ARHGAP10: variants seen among roughly 807,000 people sequenced by gnomAD.
ARHGAP10 encodes rho GTPase-activating protein 10.
Under a neutral mutation model 108.6 loss-of-function variants are expected in ARHGAP10, and 87 were observed. That is an observed-to-expected ratio of 0.80 (90% confidence interval 0.67 to 0.96). The LOEUF (loss-of-function observed/expected upper bound fraction) is 0.96. ARHGAP10 is among the 40% of genes least tolerant of loss of function. ARHGAP10 has a pLI of 0.00. For missense variants in ARHGAP10, 939 were observed against 954.5 expected (o/e 0.98, Z 0.21); for synonymous variants, 347 against 341.1 (o/e 1.02, Z -0.19).
chr4:147,774,750 A>G (rs549126489), intron 1 of ARHGAP10, among the ~76,000 whole-genome samples: 1 of 152,308 alleles, frequency 6.6e-6, no homozygotes, highest in Admixed American at 6.5e-5. Context: ...TTAAAGAGGT[A>G]AGCAAGATTA....
intron 19 of ARHGAP10, among the ~76,000 whole-genome samples, chr4:148,027,449 A>G (rs1418872900): frequency 6.6e-6 from 1 of 152,242 alleles, no homozygotes; most frequent in East Asian, 1.9e-4. Flanking sequence ...TTTGTTGAGC[A>G]TGTGTTATTG....
intron 1 of ARHGAP10, among the ~76,000 whole-genome samples, chr4:147,793,502 AAGG>A (rs1393333295): frequency 1.3e-5 from 2 of 152,238 alleles, no homozygotes; most frequent in East Asian, 3.9e-4. Flanking sequence ...GGGGCCTTGA[AAGG>A]AGGAGTTGGA....
chr4:148,003,894 G>GCC (rs1553970218), intron 18 of ARHGAP10, among the ~76,000 whole-genome samples: 2,059 of 120,954 alleles, frequency 0.017, 107 homozygotes, highest in African/African-American at 0.056. Context: ...TTATCTGAGT[G>GCC]TAAGCCTAAA....
intron 13 of ARHGAP10, among the ~76,000 whole-genome samples, chr4:147,933,280 A>G (rs1346237338): frequency 6.6e-6 from 1 of 152,144 alleles, no homozygotes; most frequent in Non-Finnish European, 1.5e-5. Context: ...CCCAGAGACT[A>G]TTCACAGGTG....
intron 16 of ARHGAP10, among the ~76,000 whole-genome samples, chr4:147,963,385 T>C (rs773401490): frequency 6.6e-6 from 1 of 152,200 alleles, no homozygotes; most frequent in Non-Finnish European, 1.5e-5. Context: ...CAGCCCTAAG[T>C]GAAACTACAA....
intron 1 of ARHGAP10, among the ~76,000 whole-genome samples, chr4:147,756,146 G>GA (rs1481553326): frequency 7.1e-6 from 1 of 141,746 alleles, no homozygotes; most frequent in Admixed American, 7.0e-5. Context: ...AAAAAAAAAA[G>GA]AAAAAAAAGA....
chr4:148,041,901 G>T (rs1332211590), intron 19 of ARHGAP10, among the ~76,000 whole-genome samples: 1 of 152,230 alleles, frequency 6.6e-6, no homozygotes, highest in Non-Finnish European at 1.5e-5. Flanking sequence ...TTGGCCGGGA[G>T]ATCCCTCAAC....
At chr4:148,064,356 G>A in intron 21 of ARHGAP10, 60 bp from the exon 22 acceptor site, 2 of 1,514,784 alleles carry the variant, frequency 1.3e-6, no homozygotes, top group South Asian at 1.2e-5. Context: ...GTTGGGGGGT[G>A]AAGTTTCTCT....
intron 19 of ARHGAP10, among the ~76,000 whole-genome samples, chr4:148,037,589 C>T (rs1209631035): frequency 6.6e-6 from 1 of 152,132 alleles, no homozygotes; most frequent in Non-Finnish European, 1.5e-5. Context: ...AATCCCAACC[C>T]TTTGGGAGGC....
At chr4:147,925,439 T>C (rs191814373) in intron 13 of ARHGAP10, among the ~76,000 whole-genome samples, 201 of 152,278 alleles carry the variant, frequency 1.3e-3, no homozygotes, top group Non-Finnish European at 2.0e-3. Flanking sequence ...TTTTGATTTA[T>C]TGTAGTAAAA....
chr4:147,989,081 A>G (rs1020276106), intron 18 of ARHGAP10, among the ~76,000 whole-genome samples: 4 of 152,358 alleles, frequency 2.6e-5, no homozygotes, highest in African/African-American at 9.6e-5. Flanking sequence ...TACAAAAGAG[A>G]GAAATTTTAA....
At chr4:147,801,581 C>A (rs141755204) in intron 1 of ARHGAP10, among the ~76,000 whole-genome samples, 154 of 152,264 alleles carry the variant, frequency 1.0e-3, no homozygotes, top group African/African-American at 3.2e-3. Flanking sequence ...CTGTTTTTTA[C>A]TATAAAACAT....
intron 12 of ARHGAP10, among the ~76,000 whole-genome samples, chr4:147,912,333 A>T (rs1736778004): frequency 6.6e-6 from 1 of 151,518 alleles, no homozygotes; most frequent in Non-Finnish European, 1.5e-5. Flanking sequence ...TGAGGTCAGG[A>T]ATTCAAGACC....
At chr4:147,754,864 C>T (rs748487856) in intron 1 of ARHGAP10, among the ~76,000 whole-genome samples, 6 of 152,064 alleles carry the variant, frequency 3.9e-5, no homozygotes, top group Admixed American at 6.5e-5. Flanking sequence ...GAGGTGGAGG[C>T]GGCTGGATCA....
chr4:147,953,697 G>T lies in ARHGAP10; in HGVS notation c.1392-1619G>T, dbSNP rs985975549. 3.3e-5 allele frequency among the ~76,000 whole-genome samples: 5 copies of T among 152,004 alleles called. No homozygotes were observed. The East Asian group carries it at 7.7e-4, about 23-fold the overall frequency. Reference sequence around the variant, plus strand: ...ATCAATTTTACTGATTATCTTAAAAGATATGGTTTTGGATTAATTTATTTT... The same window carrying T: ...ATCAATTTTACTGATTATCTTAAAATATATGGTTTTGGATTAATTTATTTT... On this transcript the variant is annotated intron_variant, in intron 15 of 22. Coordinates refer to ENST00000336498, the MANE Select transcript of ARHGAP10 (RefSeq NM_024605.4).
At chr4:148,017,682 A>ATATATATATGTGTGTG (rs1437383455) in intron 18 of ARHGAP10, among the ~76,000 whole-genome samples, 1 of 135,260 alleles carries the variant, frequency 7.4e-6, no homozygotes, top group African/African-American at 2.9e-5. Flanking sequence ...ATATATATAT[A>ATATATATATGTGTGTG]TGTGTGTGTA....
intron 16 of ARHGAP10, among the ~76,000 whole-genome samples, chr4:147,955,828 AGAAGGAATATTAT>A (rs1159747542): frequency 6.6e-5 from 10 of 152,104 alleles, no homozygotes; most frequent in African/African-American, 2.2e-4. Flanking sequence ...AATTACAGAC[AGAAGGAATATTAT>A]GAGATAATGC....
At chr4:147,808,672 G>A (rs1560769675) in intron 1 of ARHGAP10, among the ~76,000 whole-genome samples, 1 of 152,196 alleles carries the variant, frequency 6.6e-6, no homozygotes, top group East Asian at 1.9e-4. Context: ...TAAGGGAAAG[G>A]CAGGAATCAA....
At chr4:147,985,322 G>A (rs1739996330) in intron 18 of ARHGAP10, among the ~76,000 whole-genome samples, 1 of 152,092 alleles carries the variant, frequency 6.6e-6, no homozygotes, top group Admixed American at 6.5e-5. Context: ...GTGAGCAGGT[G>A]CTCTGAATGC....
Sources: allele counts gnomAD v4.1 joint callset (sites outside exome capture counted in the v4.1 genomes callset), GRCh38; gene constraint gnomAD v4.1.1; transcripts MANE v1.5; gene names NCBI Gene and HGNC (gene_info 2026-07-23, HGNC 2026-07-21).